The following VAV2 variants were observed in gnomAD, a reference collection of about 807,000 sequenced individuals.
VAV2 encodes the protein vav guanine nucleotide exchange factor 2, also known as guanine nucleotide exchange factor VAV2.
A neutral mutation model predicts 132.5 loss-of-function variants in VAV2; 67 were observed. The ratio of observed to expected loss-of-function variants is 0.51; its 90% confidence interval spans 0.42 to 0.62. The LOEUF (loss-of-function observed/expected upper bound fraction) is 0.62, where lower values mean the gene tolerates loss of function less well. Among genes scored for constraint, VAV2 ranks in the 20% least tolerant of loss-of-function variants. The pLI, the probability that VAV2 is intolerant of heterozygous loss-of-function variation, is 0.00. For missense variants in VAV2, 938 were observed against 1,153.6 expected, an observed-to-expected ratio of 0.81 and a Z score of 2.71; for synonymous variants, 492 against 443.5, an observed-to-expected ratio of 1.11 and a Z score of -1.37.
At chr9:133,790,526 A>C (rs1834410905) in intron 13 of VAV2, among the ~76,000 whole-genome samples, 1 of 152,174 alleles carries the variant, frequency 6.6e-6, no homozygotes, top group Non-Finnish European at 1.5e-5. Context: ...AAACTTAAAA[A>C]ACAAAACAAA....
chr9:133,900,862 G>C lies in VAV2; in HGVS notation c.321+38241C>G, dbSNP rs12001377. Among the ~76,000 whole-genome samples the C allele has an allele frequency of 8.7e-3, 1,324 of 151,386 alleles. 25 individuals carry two copies. Among genetic ancestry groups the C allele is most frequent in the African/African-American group, 0.029 (1,198 of 41,220 alleles). On this transcript the variant is annotated intron_variant, in intron 2 of 29. Transcript: ENST00000371850. ...CGCCCAGGCTAGAGTGCAGTGGCAG[G>C]ATCTCAACTCACTGCAACCTCCGCC...
chr9:133,798,017 T>C (rs529368431), intron 9 of VAV2, among the ~76,000 whole-genome samples: 1 of 152,210 alleles, frequency 6.6e-6, no homozygotes, highest in African/African-American at 2.4e-5. Context: ...GCTGCCGGCG[T>C]GCTGGGAGAG....
chr9:133,985,851 T>C (rs895891363), intron 1 of VAV2, among the ~76,000 whole-genome samples: 24 of 152,066 alleles, frequency 1.6e-4, no homozygotes, highest in African/African-American at 5.6e-4. Context: ...TGAGCATCAA[T>C]ATAAATAATG....
chr9:133,772,134 G>A (rs1833652463), intron 25 of VAV2, 88 bp from the exon 26 acceptor site: 1 of 663,400 alleles, frequency 1.5e-6, no homozygotes, highest in Middle Eastern at 3.9e-4. Context: ...TGTGTTTGCT[G>A]CAGCAAAGCC....
Position 133,768,723 on chromosome 9 carries a change from G to T in VAV2, c.2435-127C>A. 8.0e-7 allele frequency: 1 copy of T among 1,248,782 alleles called. No homozygotes were observed. Among genetic ancestry groups the T allele is most frequent in the Non-Finnish European group, 1.1e-6 (1 of 924,598 alleles). 77.4% of individuals were successfully genotyped at this position (1,248,782 alleles called of 1,614,324 possible). On this transcript the variant is annotated intron_variant, in intron 28 of 29. Coordinates refer to ENST00000371850, the MANE Select transcript of VAV2 (RefSeq NM_001134398.2). The surrounding 1 kb of genome is among the most constrained non-coding windows in gnomAD (Gnocchi z 5.3). ...ACCCTGCTCTGTACCCAGAGAGGAA[G>T]GATGTCAAGCAGAAAGGCTCTGGAG...
intron 15 of VAV2, 83 bp from the exon 16 acceptor site, chr9:133,787,343 A>G (rs2258889): frequency 0.57 from 800,137 of 1,400,512 alleles, 229,015 homozygotes; most frequent in East Asian, 0.61. Context: ...CGCAGTGTGG[A>G]GGCGCCAGGA....
chr9:133,895,604 A>C (rs1263172530), intron 2 of VAV2, among the ~76,000 whole-genome samples: 2 of 152,114 alleles, frequency 1.3e-5, no homozygotes, highest in Non-Finnish European at 2.9e-5. Flanking sequence ...AGGCAAATCC[A>C]CAGCAATTTG....
At chr9:133,920,611 C>A (rs999368535) in intron 2 of VAV2, among the ~76,000 whole-genome samples, 1 of 152,202 alleles carries the variant, frequency 6.6e-6, no homozygotes, top group African/African-American at 2.4e-5. Flanking sequence ...GTGTCCCTCC[C>A]TCTGAGCGCC....
intron 3 of VAV2, among the ~76,000 whole-genome samples, chr9:133,854,883 T>A (rs935646309): frequency 6.6e-6 from 1 of 152,198 alleles, no homozygotes; most frequent in Non-Finnish European, 1.5e-5. Flanking sequence ...TGAGGACAGG[T>A]GGCCAGGATG....
chr9:133,938,317 T>C (rs992929404), intron 2 of VAV2, among the ~76,000 whole-genome samples: 55 of 152,082 alleles, frequency 3.6e-4, no homozygotes, highest in African/African-American at 1.1e-3. Context: ...CCCGAATCCA[T>C]CAGGAAGCTA....
chr9:133,918,822 C>G lies in VAV2; in HGVS notation c.321+20281G>C, dbSNP rs1840195575. On this transcript the variant is annotated intron_variant, in intron 2 of 29. Transcript: ENST00000371850. The surrounding 1 kb of genome is among the most constrained non-coding windows in gnomAD (Gnocchi z 4.7). ...ACAGAGTCTTGTTCTGTCGCCCAGG[C>G]TGAAGTGCAGTGGTGCGATCTCGGC... 6.6e-6 allele frequency among the ~76,000 whole-genome samples: 1 copy of G among 152,120 alleles called. No individual in the cohort carries two copies. The highest frequency in any genetic ancestry group is 2.4e-5 in the African/African-American group (1 of 41,418).
Position 133,788,052 on chromosome 9 carries a change from C to T in VAV2, c.1407+302G>A, listed in dbSNP as rs556570593. On this transcript the variant is annotated intron_variant, in intron 15 of 29. Transcript: ENST00000371850. The surrounding 1 kb of genome is among the most constrained non-coding windows in gnomAD (Gnocchi z 5.3). ...TGAAAGTCCCACCCTCACTAGAGGCCTTGGGGTGGCCTCTCCCCTCTGCCT... is the reference window on the plus strand; with the variant it reads ...TGAAAGTCCCACCCTCACTAGAGGCTTTGGGGTGGCCTCTCCCCTCTGCCT... 6.6e-6 allele frequency among the ~76,000 whole-genome samples: 1 copy of T among 152,350 alleles called. No homozygotes were observed. The highest frequency in any genetic ancestry group is 2.1e-4 in the South Asian group (1 of 4,830).
intron 1 of VAV2, among the ~76,000 whole-genome samples, chr9:133,954,794 A>G (rs1031442144): frequency 6.6e-6 from 1 of 152,114 alleles, no homozygotes; most frequent in African/African-American, 2.4e-5. Flanking sequence ...GTGCATGCTC[A>G]TGATGTATGT....
At chr9:133,952,931 GCCCCCGGGAC>G in intron 1 of VAV2, among the ~76,000 whole-genome samples, 1 of 148,388 alleles carries the variant, frequency 6.7e-6, no homozygotes, top group Non-Finnish European at 1.5e-5. Context: ...AGGGAGCATG[GCCCCCGGGAC>G]ACCTAGAACC....
chr9:133,954,240 C>A (rs1438747129), intron 1 of VAV2, among the ~76,000 whole-genome samples: 3 of 152,188 alleles, frequency 2.0e-5, no homozygotes, highest in Non-Finnish European at 1.5e-5. Context: ...GCGGCATGTG[C>A]CTGGTGTCCC....
rs116614717 is a variant in VAV2, at chr9:133,972,417, C to A, written c.204+19658G>T. ...TGGGGGAGGCTCCAGGAACACACTG[C>A]GTCATTAGCTAATGCAGAAAAATGG... On this transcript the variant is annotated intron_variant, in intron 1 of 29. Coordinates refer to ENST00000371850, the MANE Select transcript of VAV2 (RefSeq NM_001134398.2). 4.3e-3 allele frequency among the ~76,000 whole-genome samples: 662 copies of A among 152,276 alleles called. 2 individuals carry two copies. Among genetic ancestry groups the A allele is most frequent in the African/African-American group, 0.015 (620 of 41,552 alleles).
intron 21 of VAV2, 133 bp from the exon 22 acceptor site, chr9:133,779,022 T>C (rs1220929679): frequency 9.5e-6 from 11 of 1,158,900 alleles, no homozygotes; most frequent in Admixed American, 7.2e-5. Flanking sequence ...TGCATCTCCC[T>C]TCCCTAAATC....
chr9:133,902,700 A>G (rs1839491393), intron 2 of VAV2, among the ~76,000 whole-genome samples: 1 of 152,236 alleles, frequency 6.6e-6, no homozygotes, highest in Non-Finnish European at 1.5e-5. Flanking sequence ...TTACTTGTAC[A>G]GAGACTTCAA....
chr9:133,869,679 G>A (rs189081445), intron 2 of VAV2, among the ~76,000 whole-genome samples: 5 of 152,264 alleles, frequency 3.3e-5, no homozygotes, highest in Admixed American at 2.0e-4. Context: ...TGAGCCATCC[G>A]CCGACCCAGC....
Sources: gnomAD v4.1 joint callset for allele counts (sites outside exome capture counted in the v4.1 genomes callset) on GRCh38, gnomAD v4.1.1 for gene constraint, Gnocchi (gnomAD v3.1) non-coding constraint, MANE v1.5 for transcripts, NCBI Gene and HGNC (gene_info 2026-07-23, HGNC 2026-07-21) for gene names.